The following ATP9B variants were observed in gnomAD, a reference collection of about 807,000 sequenced individuals.
ATP9B encodes ATPase phospholipid transporting 9B.
ATP9B carries 110 observed loss-of-function variants against 146.1 expected under a neutral mutation model. The observed-to-expected ratio is 0.75, with a 90% CI of 0.65 to 0.88. The LOEUF (loss-of-function observed/expected upper bound fraction) is 0.88. Among genes scored for constraint, ATP9B ranks in the 40% least tolerant of loss-of-function variants. The pLI, the probability that ATP9B is intolerant of heterozygous loss-of-function variation, is 0.00. For missense variants in ATP9B, 1,499 were observed against 1,496.4 expected (o/e 1.00, Z -0.03); for synonymous variants, 604 against 569.7 (o/e 1.06, Z -0.86).
chr18:79,293,943 G>T (rs2096529264), intron 13 of ATP9B, among the ~76,000 whole-genome samples: 1 of 152,112 alleles, frequency 6.6e-6, no homozygotes, highest in Admixed American at 6.5e-5. Context: ...GTATTTTCAA[G>T]GGGTCTTTGT....
At chr18:79,223,667 C>G (rs569824502) in intron 11 of ATP9B, among the ~76,000 whole-genome samples, 1 of 152,302 alleles carries the variant, frequency 6.6e-6, no homozygotes, top group Non-Finnish European at 1.5e-5. Flanking sequence ...CAGGGTGGCT[C>G]TTTGGGGTAC....
chr18:79,099,002 CAG>C (rs1401674582), intron 2 of ATP9B, among the ~76,000 whole-genome samples: 1 of 152,182 alleles, frequency 6.6e-6, no homozygotes, highest in African/African-American at 2.4e-5. Flanking sequence ...ATGGCCTTCT[CAG>C]GGTGTTTGAT....
At chr18:79,231,785 T>TAC (rs1480135096) in intron 11 of ATP9B, among the ~76,000 whole-genome samples, 4 of 88,754 alleles carry the variant, frequency 4.5e-5, no homozygotes, top group Non-Finnish European at 7.7e-5. Context: ...TGTGTATATA[T>TAC]ATATATATAT....
intron 13 of ATP9B, among the ~76,000 whole-genome samples, chr18:79,288,391 C>G (rs553590136): frequency 6.6e-6 from 1 of 152,196 alleles, no homozygotes; most frequent in Admixed American, 6.5e-5. Flanking sequence ...CTCTTTTGAT[C>G]TTCGTTGGTT....
At chr18:79,340,757 A>T (rs1390073900) in intron 19 of ATP9B, among the ~76,000 whole-genome samples, 1 of 152,254 alleles carries the variant, frequency 6.6e-6, no homozygotes, top group Non-Finnish European at 1.5e-5. Flanking sequence ...TGCAATTTTT[A>T]AATGTAAAAG....
Position 79,332,321 on chromosome 18 carries a change from T to C in ATP9B, c.2028+2217T>C, listed in dbSNP as rs7244010. Among the ~76,000 whole-genome samples the C allele has an allele frequency of 2.2e-3, 333 of 152,176 alleles. 1 individual carries two copies. The highest frequency in any genetic ancestry group is 7.3e-3 in the African/African-American group (302 of 41,532). On this transcript the variant is annotated intron_variant, in intron 17 of 29. Transcript: ENST00000426216. ...GCGGGCGCCTGTAGTCCCAGCTACT[T>C]GGGAGGCTGAGGCAGGAGAATGGCG...
chr18:79,339,399 T>TGCAGTAGGAAGTATGTCATC (rs1291874308), intron 19 of ATP9B, among the ~76,000 whole-genome samples: 1 of 144,626 alleles, frequency 6.9e-6, no homozygotes, highest in African/African-American at 2.6e-5. Context: ...TGTGCATGAT[T>TGCAGTAGGAAGTATGTCATC]GCAGTAGGAA....
intron 24 of ATP9B, 49 bp downstream of exon 24, chr18:79,347,974 G>T (rs774547858): frequency 6.2e-7 from 1 of 1,605,430 alleles, no homozygotes; most frequent in Non-Finnish European, 8.5e-7. Flanking sequence ...GTCCAGGAAG[G>T]GCAGGGTCCG....
chr18:79,191,363 A>T (rs2095364743), intron 8 of ATP9B, among the ~76,000 whole-genome samples: 1 of 152,064 alleles, frequency 6.6e-6, no homozygotes, highest in Non-Finnish European at 1.5e-5. Context: ...TTTCTGGCTG[A>T]CAGTAAATTT....
At chr18:79,105,343 A>G (rs886227401) in intron 2 of ATP9B, among the ~76,000 whole-genome samples, 3 of 152,210 alleles carry the variant, frequency 2.0e-5, no homozygotes, top group Non-Finnish European at 2.9e-5. Context: ...TGCAGGAGGA[A>G]AATGTTTGGA....
intron 11 of ATP9B, among the ~76,000 whole-genome samples, chr18:79,242,697 T>G (rs1434929411): frequency 6.6e-6 from 1 of 152,244 alleles, no homozygotes; most frequent in Non-Finnish European, 1.5e-5. Flanking sequence ...TACAGACCTT[T>G]TCACTTTATC....
At chr18:79,201,373 T>G (rs998493656) in intron 9 of ATP9B, among the ~76,000 whole-genome samples, 4 of 152,248 alleles carry the variant, frequency 2.6e-5, no homozygotes, top group African/African-American at 7.2e-5. Context: ...AGGAGTGGTA[T>G]CCACTTATCT....
chr18:79,326,909 C>G (rs1350939894), intron 15 of ATP9B, among the ~76,000 whole-genome samples: 2 of 151,540 alleles, frequency 1.3e-5, no homozygotes, highest in Non-Finnish European at 3.0e-5. Flanking sequence ...TGCCCTCACA[C>G]CTCATTTCTC....
chr18:79,106,572 T>C (rs751652465), intron 2 of ATP9B, among the ~76,000 whole-genome samples: 29 of 152,190 alleles, frequency 1.9e-4, no homozygotes, highest in Non-Finnish European at 4.1e-4. Flanking sequence ...CAGTTTTGTA[T>C]AGTAGCACAT....
At chr18:79,317,544 A>G (rs1282283550) in intron 15 of ATP9B, among the ~76,000 whole-genome samples, 1 of 152,192 alleles carries the variant, frequency 6.6e-6, no homozygotes, top group Non-Finnish European at 1.5e-5. Flanking sequence ...AAATACCATA[A>G]AAGTAGTGAT....
At chr18:79,098,695 ATGCTTTGTATCTACTTTAAG>A (rs2075018021) in intron 2 of ATP9B, among the ~76,000 whole-genome samples, 1 of 152,160 alleles carries the variant, frequency 6.6e-6, no homozygotes. Context: ...CATTGATACA[ATGCTTTGTATCTACTTTAAG>A]TTTATATTTC....
intron 11 of ATP9B, among the ~76,000 whole-genome samples, chr18:79,232,429 C>T (rs886606754): frequency 1.3e-4 from 20 of 152,206 alleles, no homozygotes; most frequent in African/African-American, 4.8e-4. Context: ...AAACCAAGGA[C>T]ATGAGAGGAA....
At chr18:79,270,445 A>AAT (rs1457109322) in intron 12 of ATP9B, among the ~76,000 whole-genome samples, 9 of 152,184 alleles carry the variant, frequency 5.9e-5, no homozygotes, top group Non-Finnish European at 1.3e-4. Context: ...GACTTTATCC[A>AAT]ATACATATTT....
intron 15 of ATP9B, among the ~76,000 whole-genome samples, chr18:79,325,306 C>T (rs904416382): frequency 1.3e-5 from 2 of 151,996 alleles, no homozygotes; most frequent in Non-Finnish European, 2.9e-5. Flanking sequence ...TAGAAGTGCA[C>T]GTCGGATTTT....
Sources: gnomAD v4.1 joint callset for allele counts (sites outside exome capture counted in the v4.1 genomes callset) on GRCh38, gnomAD v4.1.1 for gene constraint, MANE v1.5 for transcripts, NCBI Gene and HGNC (gene_info 2026-07-23, HGNC 2026-07-21) for gene names.